Variants in CLIC6 observed in about 807,000 individuals in gnomAD.
CLIC6 encodes the protein CLIC family member 6.
Under a neutral mutation model 49.2 loss-of-function variants are expected in CLIC6, and 39 were observed. The observed-to-expected ratio is 0.79, with a 90% CI of 0.61 to 1.04. The LOEUF (loss-of-function observed/expected upper bound fraction) is 1.04, where lower values mean the gene tolerates loss of function less well. CLIC6 is among the 50% of genes least tolerant of loss of function. The pLI is 0.00. For missense variants in CLIC6, 988 were observed against 993.1 expected, an observed-to-expected ratio of 0.99 and a Z score of 0.07; for synonymous variants, 446 against 433.4, an observed-to-expected ratio of 1.03 and a Z score of -0.36.
chr21:34,679,160 TCA>T (rs1164539269), intron 1 of CLIC6, among the ~76,000 whole-genome samples: 1 of 152,218 alleles, frequency 6.6e-6, no homozygotes, highest in African/African-American at 2.4e-5. Flanking sequence ...TTTAATTGAC[TCA>T]CAGTTCTGCA....
chr21:34,711,225 T>C (rs139679010), intron 5 of CLIC6, among the ~76,000 whole-genome samples: 181 of 152,230 alleles, frequency 1.2e-3, no homozygotes, highest in Middle Eastern at 0.01. Context: ...CACATTTAGT[T>C]AGCATTTAGA....
chr21:34,708,003 A>G lies in CLIC6; in HGVS notation c.1544A>G (p.Asp515Gly), dbSNP rs1179056259. The G allele has an allele frequency of 1.2e-6, 2 of 1,613,928 alleles. No homozygotes were observed. The highest frequency in any genetic ancestry group is 1.3e-5 in the African/African-American group (1 of 74,890). Residue 515 changes from aspartate to glycine, a missense_variant, in exon 3 of 6, where the codon GAT (aspartate) becomes GGT (glycine). Transcript: ENST00000349499. ...ACAAACCCTCCTTTCATGACTTTTGATGGTGAAGTCAAGACGGATGTGAAT... is the reference window on the plus strand; with the variant it reads ...ACAAACCCTCCTTTCATGACTTTTGGTGGTGAAGTCAAGACGGATGTGAAT... ...PGTNPPFMTF[D>G]GEVKTDVNKI... is the part of the protein sequence containing the mutation.
At chr21:34,708,583 C>A in intron 3 of CLIC6, 117 bp from the exon 4 acceptor site, 1 of 712,002 alleles carries the variant, frequency 1.4e-6, no homozygotes. Flanking sequence ...GTCAGGAAAA[C>A]GTTGAAGGAA....
chr21:34,692,050 C>T (rs987205569), intron 1 of CLIC6, among the ~76,000 whole-genome samples: 4 of 152,188 alleles, frequency 2.6e-5, no homozygotes, highest in Non-Finnish European at 5.9e-5. Context: ...GTCACTAAGA[C>T]AGTTTCTCAA....
At chr21:34,714,665 T>C (rs188159485) in intron 5 of CLIC6, among the ~76,000 whole-genome samples, 227 of 147,414 alleles carry the variant, frequency 1.5e-3, no homozygotes, top group African/African-American at 5.6e-3. Context: ...CCAGCCTGGG[T>C]GACAGAGCGA....
intron 1 of CLIC6, among the ~76,000 whole-genome samples, chr21:34,682,269 T>C (rs1989792071): frequency 6.6e-6 from 1 of 152,230 alleles, no homozygotes; most frequent in Non-Finnish European, 1.5e-5. Flanking sequence ...GTAATGCTCC[T>C]CTGACACTAT....
chr21:34,707,895 T>C (rs377246209), intron 2 of CLIC6, 49 bp from the exon 3 acceptor site: 1 of 1,608,278 alleles, frequency 6.2e-7, no homozygotes, highest in African/African-American at 1.3e-5. Flanking sequence ...TGGAAATGAG[T>C]CCAGATTCTC....
At position 34,696,213 on chromosome 21, in the gene CLIC6, T is replaced by C. The variant is rs116861658; in HGVS notation, c.1375-11067T>C. On this transcript the variant is annotated intron_variant, in intron 1 of 5. Coordinates refer to ENST00000349499, the MANE Select transcript of CLIC6 (RefSeq NM_053277.3). ...TCCCTGGCCTACCTGGCCACCAAAG[T>C]TGTCCACCAGGGCTGCCGAATGTTT... is the stretch of plus-strand genomic sequence containing the variant. Among the ~76,000 whole-genome samples, 855 of 152,264 alleles carry C rather than the reference T, an allele frequency of 5.6e-3. 4 individuals are homozygous for C. Among genetic ancestry groups the C allele is most frequent in the African/African-American group, 0.015 (636 of 41,542 alleles).
rs117204623 is a variant in CLIC6 at position 34,669,311 on chromosome 21, C to T, written c.-78C>T. 4.4e-3 allele frequency: 5,074 copies of T among 1,154,062 alleles called. 293 individuals carry two copies. The Admixed American group carries it at 0.11, about 26-fold the overall frequency. 71.5% of individuals were successfully genotyped at this position (1,154,062 alleles called of 1,614,324 possible). ...TCAAGGAGCACAGAGGGCCCCGTAG[C>T]ACGCCCCTTGCCCAGCGCCACCGAC... On this transcript the variant is annotated 5_prime_UTR_variant, in exon 1 of 6. Coordinates refer to ENST00000349499, the MANE Select transcript of CLIC6 (RefSeq NM_053277.3).
chr21:34,684,086 CT>C (rs71950500), intron 1 of CLIC6, among the ~76,000 whole-genome samples: 2,350 of 142,666 alleles, frequency 0.016, 24 homozygotes, highest in African/African-American at 0.031. Context: ...GTAAACGCTG[CT>C]TTTTTTTTTT....
intron 1 of CLIC6, among the ~76,000 whole-genome samples, chr21:34,703,668 G>T (rs768678505): frequency 6.6e-6 from 1 of 152,148 alleles, no homozygotes; most frequent in Non-Finnish European, 1.5e-5. Context: ...TTTAGAGAGG[G>T]CGTGTGGTGA....
chr21:34,674,964 A>G (rs924156370), intron 1 of CLIC6, among the ~76,000 whole-genome samples: 1 of 152,142 alleles, frequency 6.6e-6, no homozygotes, highest in African/African-American at 2.4e-5. Context: ...GTAAGCTTTG[A>G]GTCAGGGTCT....
intron 1 of CLIC6, among the ~76,000 whole-genome samples, chr21:34,684,506 G>A (rs1191375890): frequency 1.3e-5 from 2 of 152,234 alleles, no homozygotes; most frequent in African/African-American, 4.8e-5. Flanking sequence ...TGTAGAAATA[G>A]CTACTCTGTC....
At chr21:34,707,454 C>CACACACACACAT in intron 2 of CLIC6, 65 bp downstream of exon 2, 1 of 948,438 alleles carries the variant, frequency 1.1e-6, no homozygotes, top group Non-Finnish European at 1.7e-6. Flanking sequence ...CACACACACA[C>CACACACACACAT]ACACACACAC....
At chr21:34,714,695 A>AC (rs201701410) in intron 5 of CLIC6, among the ~76,000 whole-genome samples, 2,011 of 122,644 alleles carry the variant, frequency 0.016, 58 homozygotes, top group African/African-American at 0.053. Flanking sequence ...AAAAAAACAA[A>AC]AAAAAAAAAA....
At chr21:34,680,273 C>G (rs1248193280) in intron 1 of CLIC6, among the ~76,000 whole-genome samples, 1 of 152,222 alleles carries the variant, frequency 6.6e-6, no homozygotes, top group Admixed American at 6.5e-5. Context: ...TGAGTTGTAC[C>G]TCGGCCCCTT....
At chr21:34,716,225 A>G in intron 5 of CLIC6, 96 bp from the exon 6 acceptor site, 1 of 1,034,130 alleles carries the variant, frequency 9.7e-7, no homozygotes, top group Admixed American at 2.2e-5. Flanking sequence ...AAACTGGGAA[A>G]GAATGTATTG....
At position 34,670,675 on chromosome 21, in the gene CLIC6, C is replaced by G; in HGVS notation, c.1287C>G (p.Ala429=). ...EEGPAEGSGE[A]ARVNGRREDG... Reference sequence around the variant, plus strand: ...GCCCCGCCGAGGGTAGCGGCGAGGCCGCGCGCGTGAACGGCCGCCGGGAGG... The same window carrying G: ...GCCCCGCCGAGGGTAGCGGCGAGGCGGCGCGCGTGAACGGCCGCCGGGAGG... Residue 429 remains alanine, a synonymous_variant, in exon 1 of 6, where the codon GCC becomes GCG. Coordinates refer to ENST00000349499, the MANE Select transcript of CLIC6 (RefSeq NM_053277.3). The G allele has an allele frequency of 4.4e-6, 7 of 1,575,024 alleles. No individual in the cohort carries two copies. The highest frequency in any genetic ancestry group is 6.0e-6 in the Non-Finnish European group (7 of 1,164,046).
chr21:34,672,985 C>A (rs1404291674), intron 1 of CLIC6, among the ~76,000 whole-genome samples: 1 of 152,198 alleles, frequency 6.6e-6, no homozygotes, highest in East Asian at 1.9e-4. Flanking sequence ...TGATTTTGCA[C>A]AGAAACAGTT....
Sources: allele counts gnomAD v4.1 joint callset (sites outside exome capture counted in the v4.1 genomes callset), GRCh38; gene constraint gnomAD v4.1.1; transcripts MANE v1.5; gene names NCBI Gene and HGNC (gene_info 2026-07-23, HGNC 2026-07-21).